TENM2: variants seen among roughly 807,000 people sequenced by gnomAD.
TENM2 encodes teneurin transmembrane protein 2.
In TENM2, 52 loss-of-function variants were observed where a neutral mutation model predicts 245.2. The observed-to-expected ratio is 0.21, with a 90% confidence interval of 0.17 to 0.27. The LOEUF (loss-of-function observed/expected upper bound fraction) is 0.27. Among genes scored for constraint, TENM2 ranks in the 10% least tolerant of loss-of-function variants. The pLI is 1.00. For missense variants in TENM2, 3,046 were observed against 3,666.8 expected, an observed-to-expected ratio of 0.83 and a Z score of 4.37; for synonymous variants, 1,363 against 1,438.9, an observed-to-expected ratio of 0.95 and a Z score of 1.19.
chr5:167,909,512 G>T (rs938637679), intron 3 of TENM2, among the ~76,000 whole-genome samples: 3 of 152,124 alleles, frequency 2.0e-5, no homozygotes, highest in African/African-American at 7.2e-5. Context: ...CTCAGATATT[G>T]CCCTTCATTT....
Position 168,236,971 on chromosome 5 carries a change from TA to T in TENM2, c.5521-7448del, listed in dbSNP as rs1765529338. 2.6e-3 allele frequency among the ~76,000 whole-genome samples: 21 copies of T among 8,002 alleles called. 1 individual carries two copies. Among genetic ancestry groups the T allele is most frequent in the South Asian group, 3.6e-3 (1 of 276 alleles). 5.2% of individuals were successfully genotyped at this position (8,002 alleles called of 152,430 possible). A position where few individuals can be genotyped will look rare whatever the true frequency, so the allele number is the denominator to read the frequency against. On this transcript the variant is annotated intron_variant, in intron 25 of 28. Transcript: ENST00000518659. ...ATATATATATATATATATATATATATATATATATATATATATATATATATAT... is the reference window on the plus strand; with the variant it reads ...ATATATATATATATATATATATATATTATATATATATATATATATATATAT...
At chr5:167,963,641 C>T (rs1356495147) in intron 4 of TENM2, among the ~76,000 whole-genome samples, 1 of 152,196 alleles carries the variant, frequency 6.6e-6, no homozygotes. Flanking sequence ...AGGCATTCTG[C>T]CACTCCCAGA....
intron 2 of TENM2, among the ~76,000 whole-genome samples, chr5:167,434,655 A>G (rs1485045742): frequency 6.6e-6 from 1 of 152,106 alleles, no homozygotes; most frequent in African/African-American, 2.4e-5. Context: ...TCCACAACAC[A>G]ATACTCTGTC....
intron 2 of TENM2, among the ~76,000 whole-genome samples, chr5:167,648,118 C>A (rs1780088301): frequency 6.6e-6 from 1 of 152,136 alleles, no homozygotes; most frequent in South Asian, 2.1e-4. Flanking sequence ...TAATCAAGTG[C>A]ATTTTTGAAT....
chr5:166,979,474 G>A, the TENM2 span, among the ~76,000 whole-genome samples: 1 of 152,154 alleles, frequency 6.6e-6, no homozygotes, highest in Non-Finnish European at 1.5e-5. Context: ...TCTAGGCTAA[G>A]TTATCTATGT....
chr5:167,845,845 A>G (rs1769993857), intron 2 of TENM2, among the ~76,000 whole-genome samples: 1 of 152,208 alleles, frequency 6.6e-6, no homozygotes. Context: ...TGAAAACAGA[A>G]GCATCAGAAA....
At chr5:167,821,070 G>A (rs1767484709) in intron 2 of TENM2, 1 of 152,224 alleles carries the variant, frequency 6.6e-6, no homozygotes, top group African/African-American at 2.4e-5. Context: ...ATTCTCTATT[G>A]TAGAGGATCT....
At chr5:167,031,958 C>A in the TENM2 span, among the ~76,000 whole-genome samples, 3 of 152,038 alleles carry the variant, frequency 2.0e-5, no homozygotes, top group African/African-American at 7.2e-5. Context: ...AGGCTCTGAG[C>A]AGCAGGACAT....
At chr5:167,956,746 T>C (rs888284355) in intron 4 of TENM2, among the ~76,000 whole-genome samples, 8 of 152,218 alleles carry the variant, frequency 5.3e-5, no homozygotes, top group African/African-American at 1.7e-4. Context: ...GTTTTTGTCA[T>C]TGGTTCTGTT....
intron 2 of TENM2, among the ~76,000 whole-genome samples, chr5:167,830,938 T>C (rs569168447): frequency 6.6e-6 from 1 of 152,170 alleles, no homozygotes; most frequent in Non-Finnish European, 1.5e-5. Context: ...GGAAAGAATA[T>C]AGAAAATGCT....
intron 2 of TENM2, among the ~76,000 whole-genome samples, chr5:167,803,789 T>C (rs1765952154): frequency 6.6e-6 from 1 of 152,134 alleles, no homozygotes; most frequent in Non-Finnish European, 1.5e-5. Flanking sequence ...ATTTCACTTA[T>C]GGTAAGTGTA....
chr5:167,637,317 G>T (rs957551269), intron 2 of TENM2, among the ~76,000 whole-genome samples: 9 of 152,072 alleles, frequency 5.9e-5, no homozygotes, highest in African/African-American at 2.2e-4. Flanking sequence ...AATATGATTT[G>T]GTCCTTGAAG....
the TENM2 span, among the ~76,000 whole-genome samples, chr5:167,219,273 T>A: frequency 6.6e-6 from 1 of 151,848 alleles, no homozygotes; most frequent in Non-Finnish European, 1.5e-5. Context: ...GTGCTCCAGC[T>A]TGAATGATAG....
intron 13 of TENM2, among the ~76,000 whole-genome samples, chr5:168,175,893 A>G (rs1759313188): frequency 6.6e-6 from 1 of 152,208 alleles, no homozygotes; most frequent in African/African-American, 2.4e-5. Context: ...CCTGGGGTCC[A>G]TCACTCAAAG....
At chr5:167,278,909 T>C in the TENM2 span, among the ~76,000 whole-genome samples, 2 of 152,202 alleles carry the variant, frequency 1.3e-5, no homozygotes, top group Non-Finnish European at 2.9e-5. Context: ...TTCCTCCTTT[T>C]ATGGTTTCCT....
chr5:167,314,329 A>C (rs1203896519), intron 1 of TENM2, among the ~76,000 whole-genome samples: 1 of 152,182 alleles, frequency 6.6e-6, no homozygotes, highest in Non-Finnish European at 1.5e-5. Context: ...AATTTCATTA[A>C]GTAGGTTGTT....
At chr5:166,993,402 C>T in the TENM2 span, among the ~76,000 whole-genome samples, 2 of 152,020 alleles carry the variant, frequency 1.3e-5, no homozygotes, top group South Asian at 2.1e-4. Flanking sequence ...GGGAAGAATC[C>T]GTAGGAAGCT....
intron 2 of TENM2, among the ~76,000 whole-genome samples, chr5:167,609,519 C>A (rs2336896): frequency 7.8e-6 from 1 of 128,950 alleles, no homozygotes; most frequent in Admixed American, 8.4e-5. Context: ...AAAACAAAAC[C>A]TTACCTAGAA....
At chr5:167,315,099 A>G (rs1225433893) in intron 1 of TENM2, among the ~76,000 whole-genome samples, 4 of 152,064 alleles carry the variant, frequency 2.6e-5, no homozygotes, top group Non-Finnish European at 5.9e-5. Context: ...AAACATTTTC[A>G]TATACATTTA....
Sources: gnomAD v4.1 joint callset for allele counts (sites outside exome capture counted in the v4.1 genomes callset) on GRCh38, gnomAD v4.1.1 for gene constraint, MANE v1.5 for transcripts, NCBI Gene and HGNC (gene_info 2026-07-23, HGNC 2026-07-21) for gene names.